ECE1: variants seen among roughly 807,000 people sequenced by gnomAD.
The protein encoded by ECE1 is endothelin-converting enzyme 1.
ECE1 carries 35 observed loss-of-function variants against 98.6 expected under a neutral mutation model. That is an observed-to-expected ratio of 0.35 (90% CI 0.27 to 0.47). The LOEUF (loss-of-function observed/expected upper bound fraction) is 0.47, where lower values mean the gene tolerates loss of function less well. Among genes scored for constraint, ECE1 ranks in the 20% least tolerant of loss-of-function variants. The pLI is 1.00. For missense variants in ECE1, 814 were observed against 1,025.3 expected (o/e 0.79, Z 2.81); for synonymous variants, 394 against 407.1 (o/e 0.97, Z 0.39).
At position 21,233,462 on chromosome 1, in the gene ECE1, G is replaced by C; in HGVS notation, c.1670+96C>G. ...AGACGGCTCTCGTGATAGCTGATCGGGTGCACAGTGAGGGTGCAATGAAGG... is the reference window on the plus strand; with the variant it reads ...AGACGGCTCTCGTGATAGCTGATCGCGTGCACAGTGAGGGTGCAATGAAGG... On this transcript the variant is annotated intron_variant, in intron 14 of 18. Transcript: ENST00000374893. This position sits in a 1 kb window ranked among gnomAD's most constrained non-coding sequence, Gnocchi z 4.0. The C allele has an allele frequency of 1.9e-6, 2 of 1,069,014 alleles. No individual in the cohort carries two copies. The highest frequency in any genetic ancestry group is 1.3e-5 in the South Asian group (1 of 75,648). The allele number at this position is 1,069,014 out of a possible 1,614,324, so 66.2% of individuals were successfully genotyped here.
intron 14 of ECE1, among the ~76,000 whole-genome samples, chr1:21,228,849 T>C (rs2098178021): frequency 4.4e-5 from 1 of 22,630 alleles, no homozygotes; most frequent in African/African-American, 2.0e-4. Flanking sequence ...AGTATCTTTT[T>C]TTTTTTTTTT....
In ECE1 at chr1:21,227,971, C is replaced by T. The variant is rs752979342; in HGVS notation, c.1741G>A (p.Gly581Arg). ...GTGTAGAATGGTGCCTGCAGGATCC[C>T]GGCCGGAAACACAATCTCATTCTTG... ...PTKNEIVFPAGILQAPFYTRS... is the reference protein window; with the variant it reads ...PTKNEIVFPARILQAPFYTRS... Residue 581 changes from glycine to arginine, a missense_variant, in exon 15 of 19, where the codon GGG (glycine) becomes AGG (arginine). By Grantham distance (125) the Gly-to-Arg change is moderately radical. Around this residue, in one of 3 missense-constraint regions of ECE1, gnomAD observed 452 missense variants for 567.3 expected, o/e 0.80. Coordinates refer to ENST00000374893, the MANE Select transcript of ECE1 (RefSeq NM_001397.3). 1 of 1,559,440 alleles carries T rather than the reference C, an allele frequency of 6.4e-7. No individual in the cohort carries two copies. The highest frequency in any genetic ancestry group is 8.7e-7 in the Non-Finnish European group (1 of 1,150,560).
chr1:21,318,195 G>A (rs1010144727), intron 1 of ECE1, among the ~76,000 whole-genome samples: 3 of 152,216 alleles, frequency 2.0e-5, no homozygotes, highest in African/African-American at 7.2e-5. Context: ...CGTGGCAAGT[G>A]GGGAGCAGGA....
intron 1 of ECE1, among the ~76,000 whole-genome samples, chr1:21,310,814 C>T (rs1420158862): frequency 6.6e-6 from 1 of 152,250 alleles, no homozygotes. Flanking sequence ...ACGAAGAAAA[C>T]GAAGGATCAA....
In ECE1 at chr1:21,225,340, G is replaced by T. The variant is rs1273474217; in HGVS notation, c.1950C>A (p.Ser650Arg). 1 of 1,614,244 alleles carries T rather than the reference G, an allele frequency of 6.2e-7. No homozygotes were observed. ...CCGGCTCCCCGTTCACGCTGTAGTT[G>T]CTGTACTGCTCTACCATGCACTCGG... ...RQTECMVEQY[S>R]NYSVNGEPVN... Residue 650 changes from serine to arginine, a missense_variant, in exon 17 of 19, where the codon AGC becomes AGA. Physicochemically the swap from Ser to Arg is moderately radical, Grantham distance 110 (BLOSUM62 -1). Around this residue, in one of 3 missense-constraint regions of ECE1, gnomAD observed 452 missense variants for 567.3 expected, o/e 0.80. Transcript: ENST00000374893. The surrounding 1 kb of genome is among the most constrained non-coding windows in gnomAD (Gnocchi z 5.3).
intron 4 of ECE1, among the ~76,000 whole-genome samples, chr1:21,267,964 A>G (rs942894774): frequency 2.0e-5 from 3 of 152,240 alleles, no homozygotes; most frequent in Non-Finnish European, 4.4e-5. Flanking sequence ...TGGAAGGCAG[A>G]CTGCTAGTTT....
At position 21,281,191 on chromosome 1, in the gene ECE1, G is replaced by GAAAACAAAACAAAACAAAACAAAAC. The variant is rs112901908; in HGVS notation, c.139-1884_139-1860dup. On this transcript the variant is annotated intron_variant, in intron 2 of 18. Coordinates refer to ENST00000374893, the MANE Select transcript of ECE1 (RefSeq NM_001397.3). The stretch of plus-strand genomic sequence containing the variant: ...GGCGACAGAGCAAGACTCCGTCTCG[G>GAAAACAAAACAAAACAAAACAAAAC]AAAACAAAACAAAACAAAACAAAAC... Among the ~76,000 whole-genome samples the GAAAACAAAACAAAACAAAACAAAAC allele has an allele frequency of 3.3e-3, 495 of 151,718 alleles. 5 individuals are homozygous for GAAAACAAAACAAAACAAAACAAAAC. Among genetic ancestry groups the GAAAACAAAACAAAACAAAACAAAAC allele is most frequent in the African/African-American group, 0.011 (473 of 41,218 alleles).
chr1:21,246,640 C>T (rs1347584826), intron 9 of ECE1, among the ~76,000 whole-genome samples: 1 of 152,094 alleles, frequency 6.6e-6, no homozygotes, highest in Non-Finnish European at 1.5e-5. Flanking sequence ...ATTCTCACAA[C>T]AGCCCTAAAT....
At chr1:21,331,026 C>T (rs1639189584) in intron 1 of ECE1, among the ~76,000 whole-genome samples, 1 of 152,132 alleles carries the variant, frequency 6.6e-6, no homozygotes, top group African/African-American at 2.4e-5. Context: ...CCTGTCATCC[C>T]AAACTTTGGG....
chr1:21,290,162 A>G lies in ECE1; in HGVS notation c.52-6T>C. 6.4e-7 allele frequency: 1 copy of G among 1,563,346 alleles called. No homozygotes were observed. The highest frequency in any genetic ancestry group is 2.5e-5 in the East Asian group (1 of 39,302). ...GCCCGCTTGTACGTCGACATCTGCA[A>G]GGCCAAATGCAGCACGGACTCCCTC... On this transcript the variant is annotated splice_region_variant and splice_polypyrimidine_tract_variant and intron_variant, in intron 1 of 18. Transcript: ENST00000374893. The surrounding 1 kb of genome is among the most constrained non-coding windows in gnomAD (Gnocchi z 7.3).
Position 21,238,172 on chromosome 1 carries a change from A to G in ECE1, c.1351T>C (p.Phe451Leu). 2 of 1,614,252 alleles carry G rather than the reference A, an allele frequency of 1.2e-6. No individual in the cohort carries two copies. The highest frequency in any genetic ancestry group is 1.7e-6 in the Non-Finnish European group (2 of 1,180,044). The change falls in exon 11 of 19, where the codon TTT (phenylalanine) becomes CTT (leucine). Residue 451 changes from phenylalanine to leucine, a missense_variant. Physicochemically the swap from Phe to Leu is conservative, Grantham distance 22. Transcript: ENST00000374893. ...TCCTCGGCGAAGGTTGCTTTGACAA[A>G]CATGGGGCCCAACGCAAAGCCCAGG... ...NNLGFALGPM[F>L]VKATFAEDSK...
rs551831807 is a variant in ECE1, at chr1:21,275,912, C to T, written c.281-3001G>A. Among the ~76,000 whole-genome samples, 4 of 152,132 alleles carry T rather than the reference C, an allele frequency of 2.6e-5. No homozygotes were observed. The South Asian group carries it at 8.3e-4, about 32-fold the overall frequency. ...TACTGTGCTATGTCACGACCATCTC[C>T]TTGTTCATTTCTCCTACTAGAATGT... On this transcript the variant is annotated intron_variant, in intron 3 of 18. Coordinates refer to ENST00000374893, the MANE Select transcript of ECE1 (RefSeq NM_001397.3).
At position 21,345,323 on chromosome 1, in the gene ECE1, G is replaced by A; in HGVS notation, c.3+53C>T. On this transcript the variant is annotated intron_variant, in intron 1 of 18. Coordinates refer to the ECE1 transcript ENST00000415912. This position sits in a 1 kb window ranked among gnomAD's most constrained non-coding sequence, Gnocchi z 5.1. The stretch of plus-strand genomic sequence containing the variant: ...GGTGCCACCCGCGGCACCGCTGCCC[G>A]CGACCGTCGAGGCTGGGCTGGACCG... 2 of 1,346,030 alleles carry A rather than the reference G, an allele frequency of 1.5e-6. No individual in the cohort carries two copies. The highest frequency in any genetic ancestry group is 3.4e-5 in the East Asian group (1 of 29,470). 83.4% of individuals were successfully genotyped at this position (1,346,030 alleles called of 1,614,324 possible).
chr1:21,270,935 C>G (rs1228179104), intron 4 of ECE1, among the ~76,000 whole-genome samples: 1 of 152,216 alleles, frequency 6.6e-6, no homozygotes, highest in Non-Finnish European at 1.5e-5. Flanking sequence ...GCCAAGCCCC[C>G]AGCTGTGATG....
chr1:21,224,653 C>T (rs1204519268), intron 17 of ECE1, among the ~76,000 whole-genome samples: 1 of 152,114 alleles, frequency 6.6e-6, no homozygotes, highest in Non-Finnish European at 1.5e-5. Flanking sequence ...CTGACAGACA[C>T]CTACTGTTTT....
rs1242999412 is a variant in ECE1 at position 21,301,310 on chromosome 1, C to T, written c.4-11154G>A. ...GAGATAGAGACCATCCTGGCTAACACGGTGAAACCCCGTCTCTACTAAAAA... is the reference window on the plus strand; with the variant it reads ...GAGATAGAGACCATCCTGGCTAACATGGTGAAACCCCGTCTCTACTAAAAA... On this transcript the variant is annotated intron_variant, in intron 1 of 18. Transcript: ENST00000415912. 4.6e-5 allele frequency among the ~76,000 whole-genome samples: 7 copies of T among 151,622 alleles called. No homozygotes were observed. The East Asian group carries it at 7.9e-4, about 17-fold the overall frequency.
At chr1:21,236,711 C>T (rs774831463) in intron 12 of ECE1, 35 bp downstream of exon 12, 21 of 1,598,070 alleles carry the variant, frequency 1.3e-5, no homozygotes, top group Admixed American at 1.2e-4. Flanking sequence ...TGCTGGACGC[C>T]GCAGCACCCC....
chr1:21,323,819 C>CTTTTTT (rs34050500), intron 1 of ECE1, among the ~76,000 whole-genome samples: 18 of 133,860 alleles, frequency 1.3e-4, no homozygotes, highest in Middle Eastern at 3.9e-3. Flanking sequence ...AATTTTCTTT[C>CTTTTTT]TTTTTTTTTT....
intron 10 of ECE1, among the ~76,000 whole-genome samples, chr1:21,244,581 C>T (rs1313509017): frequency 6.6e-6 from 1 of 152,182 alleles, no homozygotes; most frequent in Non-Finnish European, 1.5e-5. Flanking sequence ...CCCACCTGGC[C>T]TGGGGTTTCC....
Sources: gnomAD v4.1 joint callset for allele counts (sites outside exome capture counted in the v4.1 genomes callset) on GRCh38, gnomAD v4.1.1 for gene constraint, gnomAD v4.1.1 regional missense constraint, Gnocchi (gnomAD v3.1) non-coding constraint, MANE v1.5 for transcripts, NCBI Gene and HGNC (gene_info 2026-07-23, HGNC 2026-07-21) for gene names.